The following ALPK3 variants were observed in gnomAD, a reference collection of about 807,000 sequenced individuals.
ALPK3 encodes alpha kinase 3, also known as alpha-protein kinase 3.
Under a neutral mutation model 140.0 loss-of-function variants are expected in ALPK3, and 102 were observed. The observed-to-expected ratio is 0.73, with a 90% CI of 0.62 to 0.86. The LOEUF (loss-of-function observed/expected upper bound fraction) is 0.86, where lower values mean the gene tolerates loss of function less well. ALPK3 is among the 40% of genes least tolerant of loss of function. The pLI is 0.00. For missense variants in ALPK3, 2,254 were observed against 2,208.2 expected (o/e 1.02, Z -0.42); for synonymous variants, 938 against 898.5 (o/e 1.04, Z -0.79).
chr15:84,868,080 C>T, intron 13 of ALPK3, 31 bp from the exon 14 acceptor site: 3 of 1,584,484 alleles, frequency 1.9e-6, no homozygotes, highest in Non-Finnish European at 2.6e-6. Context: ...CTGGTTGGGA[C>T]CCCCACTCAG....
intron 12 of ALPK3, among the ~76,000 whole-genome samples, chr15:84,866,768 A>G (rs1202360781): frequency 2.0e-5 from 3 of 152,108 alleles, no homozygotes; most frequent in Non-Finnish European, 4.4e-5. Context: ...CCCCTGATTT[A>G]TCCTCTCATT....
In ALPK3 at chr15:84,839,685, C is replaced by T. The variant is rs1178842215; in HGVS notation, c.423-17C>T. 6.3e-7 allele frequency: 1 copy of T among 1,578,244 alleles called. No individual in the cohort carries two copies. The highest frequency in any genetic ancestry group is 1.2e-5 in the South Asian group (1 of 85,248). Reference sequence around the variant, plus strand: ...TCCCAGGAGGGGAGAGGTGGCACCTCCCGCTCCTACCTCTAGGTGTCGAGA... The same window carrying T: ...TCCCAGGAGGGGAGAGGTGGCACCTTCCGCTCCTACCTCTAGGTGTCGAGA... On this transcript the variant is annotated splice_polypyrimidine_tract_variant and intron_variant, in intron 4 of 13. Transcript: ENST00000258888.
intron 2 of ALPK3, among the ~76,000 whole-genome samples, chr15:84,824,070 T>C (rs1056413295): frequency 6.6e-6 from 1 of 152,144 alleles, no homozygotes; most frequent in Non-Finnish European, 1.5e-5. Context: ...TTATTGTCTA[T>C]CTTCTTCTAA....
At chr15:84,817,701 C>A in intron 1 of ALPK3, 106 bp downstream of exon 1, 1 of 1,303,440 alleles carries the variant, frequency 7.7e-7, no homozygotes, top group Non-Finnish European at 9.8e-7. Flanking sequence ...CCTGCGCCCT[C>A]GAGCCCTCTC....
chr15:84,818,029 T>C (rs912676838), intron 1 of ALPK3, among the ~76,000 whole-genome samples: 2 of 151,708 alleles, frequency 1.3e-5, no homozygotes, highest in African/African-American at 2.4e-5. Context: ...CTGCCCAGAG[T>C]AGGAGCTGCT....
Position 84,858,304 on chromosome 15 carries a change from C to A in ALPK3, c.3566C>A (p.Pro1189His). The change falls in exon 6 of 14, where the codon CCC becomes CAC. Residue 1189 changes from proline (P) to histidine (H), a missense_variant. By Grantham distance (77) the Pro-to-His change is moderately conservative (BLOSUM62 -2). Around this residue, in one of 3 missense-constraint regions of ALPK3, gnomAD observed 2,088 missense variants for 2,022.9 expected, o/e 1.03. Transcript: ENST00000258888. ...ACCACACCTGAAGAAAGGGAGAGCCCCACGGTTTCCCCCCGGGGGCCCAGG... is the reference window on the plus strand; with the variant it reads ...ACCACACCTGAAGAAAGGGAGAGCCACACGGTTTCCCCCCGGGGGCCCAGG... ...EATTPEERES[P>H]TVSPRGPRKS... The A allele has an allele frequency of 6.4e-7, 1 of 1,571,726 alleles. No individual in the cohort carries two copies. Among genetic ancestry groups the A allele is most frequent in the Non-Finnish European group, 8.6e-7 (1 of 1,158,556 alleles).
At position 84,850,879 on chromosome 15, in the gene ALPK3, T is replaced by TATATACACACACACACACAC. The variant is rs144798232; in HGVS notation, c.1654-5512_1654-5511insTATACACACACACACACACA. ...TCATATCTTTACACAGTTCCAGATA[T>TATATACACACACACACACAC]ACACACACACACACACACACACACA... is the stretch of plus-strand genomic sequence containing the variant. On this transcript the variant is annotated intron_variant, in intron 5 of 13. Coordinates refer to ENST00000258888, the MANE Select transcript of ALPK3 (RefSeq NM_020778.5). 2.6e-3 allele frequency among the ~76,000 whole-genome samples: 373 copies of TATATACACACACACACACAC among 142,458 alleles called. 2 individuals are homozygous for TATATACACACACACACACAC. Among genetic ancestry groups the TATATACACACACACACACAC allele is most frequent in the Middle Eastern group, 0.01 (3 of 286 alleles). The allele number at this position is 142,458 out of a possible 152,430, so 93.5% of individuals were successfully genotyped here. A position where few individuals can be genotyped will look rare whatever the true frequency, so the allele number is the denominator to read the frequency against.
At position 84,872,707 on chromosome 15, in the gene ALPK3, A is replaced by G. The variant is rs894836748; in HGVS notation, c.*4251A>G. On this transcript the variant is annotated 3_prime_UTR_variant, in exon 14 of 14. Coordinates refer to ENST00000258888, the MANE Select transcript of ALPK3 (RefSeq NM_020778.5). ...TGATTTATCTCCCACTCTGATTCAC[A>G]TATGTTTGACCAAGGCACTGGGCAG... 1.3e-5 allele frequency: 2 copies of G among 152,218 alleles called. No homozygotes were observed. Among genetic ancestry groups the G allele is most frequent in the African/African-American group, 4.8e-5 (2 of 41,464 alleles). 9.4% of individuals were successfully genotyped at this position (152,218 alleles called of 1,614,324 possible). A position where few individuals can be genotyped will look rare whatever the true frequency, so the allele number is the denominator to read the frequency against.
intron 9 of ALPK3, among the ~76,000 whole-genome samples, 191 bp from the exon 10 acceptor site, chr15:84,862,444 A>C (rs1310450058): frequency 1.3e-5 from 2 of 151,976 alleles, no homozygotes; most frequent in Non-Finnish European, 2.9e-5. Context: ...GGTTGAATCA[A>C]ATAGAGTTTC....
intron 11 of ALPK3, 49 bp downstream of exon 11, chr15:84,863,689 G>C (rs757113675): frequency 4.6e-5 from 72 of 1,559,108 alleles, no homozygotes; most frequent in Non-Finnish European, 6.2e-5. Context: ...TGTTGCCTTG[G>C]GCTTCTGCAA....
chr15:84,862,876 G>C lies in ALPK3; in HGVS notation c.4371G>C (p.Glu1457Asp), dbSNP rs1277455926. Residue 1457 changes from glutamate (E) to aspartate (D), a missense_variant, in exon 10 of 14, where the codon GAG becomes GAC. This residue lies in a region of ALPK3 where 2,088 missense variants were observed against 2,022.9 expected (regional missense o/e 1.03). Coordinates refer to ENST00000258888, the MANE Select transcript of ALPK3 (RefSeq NM_020778.5). ...TGCTTGTGTTTGGGCCCAGCAGTGA[G>C]ACTTCTCTTGTGGGCAGAAACTACG... ...SSLLVFGPSS[E>D]TSLVGRNYDV... 1 of 1,614,108 alleles carries C rather than the reference G, an allele frequency of 6.2e-7. No individual in the cohort carries two copies. The highest frequency in any genetic ancestry group is 2.2e-5 in the East Asian group (1 of 44,880).
chr15:84,821,544 C>A (rs142569650), intron 1 of ALPK3, among the ~76,000 whole-genome samples: 473 of 152,258 alleles, frequency 3.1e-3, no homozygotes, highest in Non-Finnish European at 5.2e-3. Flanking sequence ...GCCCACGCGG[C>A]CTCCAGAGGA....
intron 3 of ALPK3, among the ~76,000 whole-genome samples, chr15:84,831,898 T>C (rs1963549117): frequency 6.6e-6 from 1 of 152,342 alleles, no homozygotes; most frequent in Admixed American, 6.5e-5. Flanking sequence ...CGAAAGGTTT[T>C]CTGGGAGTTA....
At chr15:84,828,311 A>G (rs1458259591) in intron 3 of ALPK3, among the ~76,000 whole-genome samples, 2 of 152,266 alleles carry the variant, frequency 1.3e-5, no homozygotes, top group African/African-American at 2.4e-5. Flanking sequence ...GCAGAATAGG[A>G]AGCAGAGTGA....
intron 10 of ALPK3, among the ~76,000 whole-genome samples, chr15:84,863,285 CTG>C (rs1428433528): frequency 3.3e-5 from 5 of 152,182 alleles, no homozygotes; most frequent in Non-Finnish European, 7.3e-5. Flanking sequence ...CTCTGGGACA[CTG>C]TCACATACCA....
intron 9 of ALPK3, among the ~76,000 whole-genome samples, chr15:84,860,274 C>T (rs575498839): frequency 1.3e-5 from 2 of 152,278 alleles, no homozygotes; most frequent in Admixed American, 6.5e-5. Flanking sequence ...GGGGCCACTG[C>T]ACAGGAGTTA....
intron 1 of ALPK3, among the ~76,000 whole-genome samples, chr15:84,821,318 G>C (rs893428921): frequency 1.3e-5 from 2 of 152,162 alleles, no homozygotes; most frequent in South Asian, 4.1e-4. Flanking sequence ...CTGGGGGAGG[G>C]GTCCTCTGTC....
Position 84,856,672 on chromosome 15 carries a change from C to T in ALPK3, c.1934C>T (p.Thr645Ile), listed in dbSNP as rs555701245. 3 of 1,613,916 alleles carry T rather than the reference C, an allele frequency of 1.9e-6. No homozygotes were observed. The highest frequency in any genetic ancestry group is 3.3e-5 in the Admixed American group (2 of 60,010). ...ADRKTQVDAGTQESKRPQSDR... is the reference protein window; with the variant it reads ...ADRKTQVDAGIQESKRPQSDR... The stretch of plus-strand genomic sequence containing the variant: ...AGGAAGACGCAGGTGGATGCTGGGA[C>T]ACAAGAAAGCAAGAGGCCACAGTCA... Residue 645 changes from threonine (T) to isoleucine (I), a missense_variant, in exon 6 of 14, where the codon ACA (threonine) becomes ATA (isoleucine). Transcript: ENST00000258888.
rs1303407564 is a variant in ALPK3 at position 84,840,266 on chromosome 15, G to A, written c.987G>A (p.Lys329=). The A allele has an allele frequency of 6.2e-7, 1 of 1,613,866 alleles. No individual in the cohort carries two copies. Among genetic ancestry groups the A allele is most frequent in the Non-Finnish European group, 8.5e-7 (1 of 1,180,026 alleles). ...AGGAATCCAAGCAAGGCCTGCGGAA[G>A]CCAGAGTTAGAGAAGGCAGCCCAAA... The part of the protein sequence containing the change: ...KDEESKQGLR[K]PELEKAAQSR... The change falls in exon 5 of 14, where the codon AAG becomes AAA. Residue 329 remains lysine, a synonymous_variant. Coordinates refer to ENST00000258888, the MANE Select transcript of ALPK3 (RefSeq NM_020778.5).
Sources: allele counts gnomAD v4.1 joint callset (sites outside exome capture counted in the v4.1 genomes callset), GRCh38; gene constraint gnomAD v4.1.1; regional missense constraint gnomAD v4.1.1; transcripts MANE v1.5; gene names NCBI Gene and HGNC (gene_info 2026-07-23, HGNC 2026-07-21).